Variants in TCF4 observed in about 807,000 individuals in gnomAD.
TCF4 encodes the protein transcription factor 4.
TCF4 carries 3 observed loss-of-function variants against 82.1 expected under a neutral mutation model. The observed-to-expected ratio is 0.04, with a 90% CI of 0.02 to 0.09. TCF4 has a LOEUF of 0.09. TCF4 is among the 10% of genes least tolerant of loss of function. The probability of loss-of-function intolerance (pLI) is 1.00; values close to 1 mark genes in which losing one functional copy is unlikely to be tolerated. For synonymous variants in TCF4, 276 were observed against 309.6 expected, an observed-to-expected ratio of 0.89 and a Z score of 1.14; for missense variants, 518 against 852.7, an observed-to-expected ratio of 0.61 and a Z score of 4.89.
chr18:55,543,930 G>GA (rs1568360956), intron 3 of TCF4, among the ~76,000 whole-genome samples: 1 of 151,410 alleles, frequency 6.6e-6, no homozygotes. Flanking sequence ...AGTCTGGTAA[G>GA]TTTTTTTTTC....
At chr18:55,520,736 G>A (rs745567560) in intron 3 of TCF4, among the ~76,000 whole-genome samples, 2 of 152,152 alleles carry the variant, frequency 1.3e-5, no homozygotes, top group African/African-American at 2.4e-5. Flanking sequence ...GCAATGGGCA[G>A]GTTAAGGAGA....
upstream of TCF4, among the ~76,000 whole-genome samples, chr18:55,589,066 A>G (rs1054297875): frequency 6.6e-6 from 1 of 152,104 alleles, no homozygotes; most frequent in Non-Finnish European, 1.5e-5. Flanking sequence ...TTTATCCGGT[A>G]TATGCAACAT....
At chr18:55,348,521 T>C (rs988614069) in intron 8 of TCF4, among the ~76,000 whole-genome samples, 1 of 152,162 alleles carries the variant, frequency 6.6e-6, no homozygotes, top group Admixed American at 6.5e-5. Flanking sequence ...GGAAAATTAT[T>C]TTTATATTTC....
At chr18:55,377,625 C>G (rs1325869364) in intron 6 of TCF4, among the ~76,000 whole-genome samples, 1 of 152,218 alleles carries the variant, frequency 6.6e-6, no homozygotes, top group Non-Finnish European at 1.5e-5. Context: ...TGCAGATTAA[C>G]CTGGCTATTT....
At chr18:55,509,589 C>T (rs1368086696) in intron 3 of TCF4, among the ~76,000 whole-genome samples, 3 of 152,190 alleles carry the variant, frequency 2.0e-5, no homozygotes, top group Non-Finnish European at 2.9e-5. Flanking sequence ...CAACTAAGGT[C>T]ATCAAGAGTA....
At chr18:55,453,132 G>A (rs1224964301) in intron 5 of TCF4, among the ~76,000 whole-genome samples, 2 of 152,142 alleles carry the variant, frequency 1.3e-5, no homozygotes, top group Non-Finnish European at 2.9e-5. Context: ...AACCTCTGCA[G>A]CTGGAGATGG....
At chr18:55,539,381 T>C (rs2097145699) in intron 3 of TCF4, among the ~76,000 whole-genome samples, 1 of 152,166 alleles carries the variant, frequency 6.6e-6, no homozygotes. Flanking sequence ...TGAAAACTTT[T>C]CCATATGCAG....
intron 3 of TCF4, among the ~76,000 whole-genome samples, chr18:55,536,811 T>A (rs1293658080): frequency 6.6e-6 from 1 of 152,202 alleles, no homozygotes; most frequent in Non-Finnish European, 1.5e-5. Context: ...TATTACAAAG[T>A]ATGTATCTTC....
intron 8 of TCF4, among the ~76,000 whole-genome samples, chr18:55,335,994 AG>A (rs1244348218): frequency 2.0e-5 from 3 of 151,972 alleles, no homozygotes; most frequent in African/African-American, 7.2e-5. Context: ...AATAGTAAAA[AG>A]GAAAAAAAAA....
chr18:55,408,522 T>C (rs1375743711), intron 5 of TCF4, among the ~76,000 whole-genome samples: 1 of 152,214 alleles, frequency 6.6e-6, no homozygotes, highest in African/African-American at 2.4e-5. Flanking sequence ...GGTTATTATT[T>C]ACAGTCCTTC....
chr18:55,510,791 AT>A, intron 3 of TCF4: 1 of 1,239,196 alleles, frequency 8.1e-7, no homozygotes, highest in Non-Finnish European at 1.0e-6. Context: ...ATTTTAATTT[AT>A]TTGTATATAT....
At chr18:55,550,955 T>C (rs1190463129) in intron 3 of TCF4, 3 of 152,196 alleles carry the variant, frequency 2.0e-5, no homozygotes, top group Non-Finnish European at 4.4e-5. Context: ...TCTTTTTTTT[T>C]TTCTATGACA....
chr18:55,615,561 T>C (rs1428232151), intron 2 of TCF4, among the ~76,000 whole-genome samples: 2 of 152,068 alleles, frequency 1.3e-5, no homozygotes, highest in East Asian at 1.9e-4. Flanking sequence ...TTAAATGCAA[T>C]GTTGAATAAA....
chr18:55,563,287 T>TA (rs1356506659), intron 3 of TCF4, among the ~76,000 whole-genome samples: 1 of 142,400 alleles, frequency 7.0e-6, no homozygotes, highest in African/African-American at 2.6e-5. Flanking sequence ...CTCTGGCTAA[T>TA]AAAAAATATC....
At chr18:55,448,392 A>T (rs557584344) in intron 5 of TCF4, among the ~76,000 whole-genome samples, 1 of 152,358 alleles carries the variant, frequency 6.6e-6, no homozygotes, top group African/African-American at 2.4e-5. Context: ...GCCTAAATGT[A>T]TACTACTTTA....
intron 3 of TCF4, among the ~76,000 whole-genome samples, chr18:55,561,512 G>A (rs547597142): frequency 1.2e-4 from 18 of 152,244 alleles, no homozygotes; most frequent in African/African-American, 4.3e-4. Context: ...GCTATACGAT[G>A]CAAAATTCCT....
chr18:55,464,273 T>C, intron 3 of TCF4, 136 bp from the exon 4 acceptor site: 3 of 767,164 alleles, frequency 3.9e-6, no homozygotes, highest in Non-Finnish European at 6.9e-6. Context: ...ACCATGATGA[T>C]AGTGGCTTCT....
At chr18:55,434,763 C>CGCGTGTGTGTGT in intron 5 of TCF4, among the ~76,000 whole-genome samples, 2 of 131,784 alleles carry the variant, frequency 1.5e-5, no homozygotes, top group East Asian at 4.5e-4. Flanking sequence ...CTCAAGTATT[C>CGCGTGTGTGTGT]GTGTGTGTGT....
chr18:55,381,910 GTTTT>G (rs770720823), intron 6 of TCF4, among the ~76,000 whole-genome samples: 4 of 143,664 alleles, frequency 2.8e-5, no homozygotes, highest in African/African-American at 1.0e-4. Flanking sequence ...CTCTAGAAGG[GTTTT>G]TTTTTTTTTT....
Sources: gnomAD v4.1 joint callset for allele counts (sites outside exome capture counted in the v4.1 genomes callset) on GRCh38, gnomAD v4.1.1 for gene constraint, MANE v1.5 for transcripts, NCBI Gene and HGNC (gene_info 2026-07-23, HGNC 2026-07-21) for gene names.